The following RORA variants were observed in gnomAD, a reference collection of about 807,000 sequenced individuals.
RORA encodes the protein nuclear receptor ROR-alpha.
In RORA, 7 loss-of-function variants were observed where a neutral mutation model predicts 69.5. The observed-to-expected ratio is 0.10, with a 90% CI of 0.06 to 0.19. RORA has a LOEUF of 0.19. Among genes scored for constraint, RORA ranks in the 10% least tolerant of loss-of-function variants. The pLI is 1.00. For missense variants in RORA, 457 were observed against 663.0 expected (o/e 0.69, Z 3.41); for synonymous variants, 261 against 240.8 (o/e 1.08, Z -0.78).
chr15:60,900,645 G>C (rs557218693), intron 1 of RORA, among the ~76,000 whole-genome samples: 5 of 152,072 alleles, frequency 3.3e-5, no homozygotes, highest in African/African-American at 4.8e-5. Flanking sequence ...AGGCCGAGGC[G>C]GGTGCATCAT....
At chr15:61,215,093 C>G (rs1477086456) in intron 1 of RORA, among the ~76,000 whole-genome samples, 3 of 139,832 alleles carry the variant, frequency 2.1e-5, no homozygotes, top group Admixed American at 7.8e-5. Flanking sequence ...CCGTGTTAGC[C>G]AGGATGGTCT....
Position 60,824,447 on chromosome 15 carries a change from T to TA in RORA, c.167-145762dup, listed in dbSNP as rs3053880. ...TCTTTTCATAGACATCTTCCCTTAT[T>TA]AAAAAAAAAAAAACTCCTAAAGTGC... On this transcript the variant is annotated intron_variant, in intron 1 of 10. Coordinates refer to ENST00000335670, the MANE Select transcript of RORA (RefSeq NM_134261.3). Among the ~76,000 whole-genome samples, 938 of 145,180 alleles carry TA rather than the reference T, an allele frequency of 6.5e-3. 6 individuals carry two copies. Among genetic ancestry groups the TA allele is most frequent in the African/African-American group, 0.018 (716 of 39,294 alleles).
At chr15:61,082,255 G>A (rs982856927) in intron 1 of RORA, among the ~76,000 whole-genome samples, 14 of 152,296 alleles carry the variant, frequency 9.2e-5, no homozygotes, top group South Asian at 4.1e-4. Context: ...CTGGGAGGCC[G>A]CGGCGGGCGA....
At chr15:60,678,709 A>G (rs1322136039) in intron 1 of RORA, 23 bp from the exon 2 acceptor site, 8 of 1,606,992 alleles carry the variant, frequency 5.0e-6, no homozygotes, top group Non-Finnish European at 6.8e-6. Context: ...AAACAATAAC[A>G]TAGGTTAGAA....
In RORA at chr15:61,104,254, C is replaced by T. The variant is rs539893156; in HGVS notation, c.166+124799G>A. Among the ~76,000 whole-genome samples the T allele has an allele frequency of 7.2e-5, 11 of 152,274 alleles. No individual in the cohort carries two copies. In the South Asian group the frequency reaches 1.0e-3, roughly 14 times the overall value. ...CTATGCAGACAGGTCATTGAGGGAA[C>T]GGAGAAAATTAACAAACGCACCTAG... On this transcript the variant is annotated intron_variant, in intron 1 of 10. Transcript: ENST00000335670.
intron 1 of RORA, among the ~76,000 whole-genome samples, chr15:60,894,915 G>T (rs1488257033): frequency 6.6e-6 from 1 of 152,172 alleles, no homozygotes; most frequent in Non-Finnish European, 1.5e-5. Flanking sequence ...AGACACCAGG[G>T]CTCGTTGTCA....
Position 60,531,602 on chromosome 15 carries a change from T to A in RORA, c.282+164A>T, listed in dbSNP as rs1027243638. ...AGGAAGGAGTAAAAATATATATAACTTCTTTAATTGTAATTTAACACCAAA... is the reference window on the plus strand; with the variant it reads ...AGGAAGGAGTAAAAATATATATAACATCTTTAATTGTAATTTAACACCAAA... On this transcript the variant is annotated intron_variant, in intron 3 of 10. Transcript: ENST00000335670. The surrounding 1 kb of genome is among the most constrained non-coding windows in gnomAD (Gnocchi z 4.8). The A allele has an allele frequency of 3.7e-6, 2 of 545,306 alleles. No homozygotes were observed. The highest frequency in any genetic ancestry group is 6.4e-6 in the Non-Finnish European group (2 of 313,210). The allele number at this position is 545,306 out of a possible 1,614,324, so 33.8% of individuals were successfully genotyped here.
intron 1 of RORA, among the ~76,000 whole-genome samples, chr15:61,054,826 G>GTTTTTTTTTTT (rs66846535): frequency 7.4e-6 from 1 of 134,646 alleles, no homozygotes. Context: ...TTTGTTTTTT[G>GTTTTTTTTTTT]TTTTTTTTTT....
At chr15:60,783,477 C>T (rs995475629) in intron 1 of RORA, among the ~76,000 whole-genome samples, 1 of 152,038 alleles carries the variant, frequency 6.6e-6, no homozygotes, top group African/African-American at 2.4e-5. Flanking sequence ...CATTACCTCC[C>T]AAACAGTATT....
At chr15:60,779,042 T>C (rs1478119560) in intron 1 of RORA, among the ~76,000 whole-genome samples, 2 of 152,180 alleles carry the variant, frequency 1.3e-5, no homozygotes, top group African/African-American at 2.4e-5. Context: ...CTCCCAACAC[T>C]GTGTGAGGTA....
At chr15:60,586,956 A>G (rs1490997663) in intron 2 of RORA, among the ~76,000 whole-genome samples, 4 of 152,216 alleles carry the variant, frequency 2.6e-5, no homozygotes, top group Non-Finnish European at 2.9e-5. Flanking sequence ...TAGATCTACA[A>G]TCATGCCCCT....
chr15:61,109,313 T>C (rs1308696784), intron 1 of RORA, among the ~76,000 whole-genome samples: 1 of 152,202 alleles, frequency 6.6e-6, no homozygotes, highest in Non-Finnish European at 1.5e-5. Context: ...TGGTTTACTA[T>C]TGAGTCCTTG....
At chr15:60,513,234 T>C (rs1045315743) in intron 4 of RORA, among the ~76,000 whole-genome samples, 7 of 152,252 alleles carry the variant, frequency 4.6e-5, no homozygotes, top group South Asian at 4.1e-4. Flanking sequence ...GCAACCAGGC[T>C]GATGTGGGAT....
chr15:61,155,924 C>G, intron 1 of RORA, among the ~76,000 whole-genome samples: 1 of 152,174 alleles, frequency 6.6e-6, no homozygotes, highest in East Asian at 1.9e-4. Flanking sequence ...CACACGGGCA[C>G]TCTGGACTTT....
chr15:60,789,113 T>C (rs573771292), intron 1 of RORA, among the ~76,000 whole-genome samples: 6 of 152,154 alleles, frequency 3.9e-5, no homozygotes, highest in Admixed American at 6.5e-5. Context: ...AAGCAAGGAA[T>C]AGAAGAGTGA....
chr15:60,526,590 T>A (rs1260536112), intron 3 of RORA, among the ~76,000 whole-genome samples: 1 of 152,142 alleles, frequency 6.6e-6, no homozygotes, highest in Non-Finnish European at 1.5e-5. Context: ...TAAACAAAAA[T>A]TTTCGCTTAC....
chr15:60,929,006 A>G (rs1892295137), intron 1 of RORA, among the ~76,000 whole-genome samples: 1 of 152,078 alleles, frequency 6.6e-6, no homozygotes, highest in African/African-American at 2.4e-5. Flanking sequence ...GCCAAGGAGC[A>G]GACACACTTG....
intron 1 of RORA, among the ~76,000 whole-genome samples, chr15:61,045,017 C>G (rs928639128): frequency 6.6e-5 from 10 of 152,198 alleles, no homozygotes; most frequent in African/African-American, 2.4e-4. Flanking sequence ...CTGGCTTTCT[C>G]CTTAGCTCAG....
chr15:61,032,506 C>G (rs8035549), intron 1 of RORA, among the ~76,000 whole-genome samples: 1 of 152,098 alleles, frequency 6.6e-6, no homozygotes, highest in Non-Finnish European at 1.5e-5. Flanking sequence ...ATTTGATCAA[C>G]GGAGTAGACC....
Sources: allele counts gnomAD v4.1 joint callset (sites outside exome capture counted in the v4.1 genomes callset), GRCh38; gene constraint gnomAD v4.1.1; non-coding constraint Gnocchi (gnomAD v3.1); transcripts MANE v1.5; gene names NCBI Gene and HGNC (gene_info 2026-07-23, HGNC 2026-07-21).